Variants in NAV2 observed in about 807,000 individuals in gnomAD.
NAV2 encodes helicase, APC down-regulated 1.
NAV2 carries 54 observed loss-of-function variants against 223.2 expected under a neutral mutation model. That is an observed-to-expected ratio of 0.24 (90% CI 0.19 to 0.30). NAV2 has a LOEUF of 0.30. Among genes scored for constraint, NAV2 ranks in the 10% least tolerant of loss-of-function variants. NAV2 has a pLI of 1.00. For missense variants in NAV2, 2,806 were observed against 3,147.5 expected, an observed-to-expected ratio of 0.89 and a Z score of 2.60; for synonymous variants, 1,279 against 1,239.3, an observed-to-expected ratio of 1.03 and a Z score of -0.67.
chr11:19,548,158 G>A (rs867535582), intron 1 of NAV2, among the ~76,000 whole-genome samples: 5 of 152,062 alleles, frequency 3.3e-5, no homozygotes, highest in Non-Finnish European at 5.9e-5. Context: ...CATGGCTGTC[G>A]GTAATGGGTA....
chr11:19,836,424 G>A (rs1263734997), intron 2 of NAV2, among the ~76,000 whole-genome samples: 1 of 152,000 alleles, frequency 6.6e-6, no homozygotes, highest in African/African-American at 2.4e-5. Context: ...GGGCGCGGTG[G>A]CGGGCGCCTG....
intron 1 of NAV2, among the ~76,000 whole-genome samples, chr11:19,566,031 G>GATTTTTATTTTATTTTATTTT: frequency 7.2e-6 from 1 of 138,494 alleles, no homozygotes; most frequent in Non-Finnish European, 1.6e-5. Flanking sequence ...TATCCAAGGA[G>GATTTTTATTTTATTTTATTTT]ATTTTATTTT....
At chr11:19,840,857 C>T (rs2060477094) in intron 2 of NAV2, among the ~76,000 whole-genome samples, 3 of 152,168 alleles carry the variant, frequency 2.0e-5, no homozygotes, top group South Asian at 2.1e-4. Context: ...TTGTGTGGCT[C>T]CTGTGTGCCA....
intron 24 of NAV2, among the ~76,000 whole-genome samples, chr11:20,079,659 C>T (rs892311336): frequency 2.6e-5 from 4 of 152,102 alleles, no homozygotes; most frequent in African/African-American, 9.7e-5. Context: ...CTAGATGAGG[C>T]AGGCATGGCA....
intron 6 of NAV2, among the ~76,000 whole-genome samples, chr11:19,904,678 G>A (rs59130601): frequency 0.012 from 1,782 of 152,084 alleles, 33 homozygotes; most frequent in African/African-American, 0.041. Context: ...GACATAGGGA[G>A]TAAAAGTAAA....
chr11:19,414,430 C>G (rs1032302351), intron 1 of NAV2, among the ~76,000 whole-genome samples: 1 of 152,182 alleles, frequency 6.6e-6, no homozygotes, highest in African/African-American at 2.4e-5. Flanking sequence ...TACAGGATCA[C>G]CCAGATTTAT....
chr11:19,582,474 TC>T (rs2045751067), intron 1 of NAV2, among the ~76,000 whole-genome samples: 1 of 152,254 alleles, frequency 6.6e-6, no homozygotes, highest in Non-Finnish European at 1.5e-5. Flanking sequence ...GCCTAGGTTT[TC>T]TTCTAGGGTT....
intron 10 of NAV2, among the ~76,000 whole-genome samples, chr11:19,962,203 A>G (rs1462530468): frequency 6.6e-6 from 1 of 151,552 alleles, no homozygotes; most frequent in Non-Finnish European, 1.5e-5. Flanking sequence ...CTTGAGGTAG[A>G]ATCCCCTCTT....
chr11:19,956,394 A>ACT (rs1161280861), intron 10 of NAV2, among the ~76,000 whole-genome samples: 11 of 147,808 alleles, frequency 7.4e-5, no homozygotes, highest in South Asian at 4.3e-4. Flanking sequence ...ACACACACAC[A>ACT]CGCTCTCTCT....
rs35094066 is a variant in NAV2, at chr11:20,082,459, C to A, written c.5326-548C>A. 796 of 827,110 alleles carry A rather than the reference C, an allele frequency of 9.6e-4. 1 individual carries two copies. The highest frequency in any genetic ancestry group is 1.5e-3 in the Non-Finnish European group (737 of 481,836). The allele number at this position is 827,110 out of a possible 1,614,324, so 51.2% of individuals were successfully genotyped here. ...ATTTGTGTTCCTACTGGAAACCTCC[C>A]CTGTGTGTGGTGTTTATTATTAGCC... On this transcript the variant is annotated intron_variant, in intron 25 of 37. Transcript: ENST00000349880.
chr11:19,881,849 G>A (rs1229626557), intron 5 of NAV2, among the ~76,000 whole-genome samples: 1 of 152,222 alleles, frequency 6.6e-6, no homozygotes, highest in Non-Finnish European at 1.5e-5. Context: ...CTCAGGACAT[G>A]AAGGGTAAGC....
At chr11:19,475,580 C>T (rs1334303609) in intron 1 of NAV2, among the ~76,000 whole-genome samples, 2 of 152,216 alleles carry the variant, frequency 1.3e-5, no homozygotes, top group East Asian at 3.9e-4. Context: ...TTTGTGGAGC[C>T]GCTGCTGTCC....
intron 1 of NAV2, among the ~76,000 whole-genome samples, chr11:19,750,743 A>C (rs1054948712): frequency 2.0e-5 from 3 of 152,220 alleles, no homozygotes; most frequent in African/African-American, 7.2e-5. Flanking sequence ...ACAGAGTCAG[A>C]ATAGGGTCCC....
chr11:20,100,637 C>T (rs1343407559), intron 31 of NAV2, among the ~76,000 whole-genome samples: 2 of 151,552 alleles, frequency 1.3e-5, no homozygotes, highest in Non-Finnish European at 2.9e-5. Flanking sequence ...CCCAGAGCCT[C>T]ATGAATTCTG....
At chr11:19,524,239 C>A (rs1032158077) in intron 1 of NAV2, among the ~76,000 whole-genome samples, 9 of 152,202 alleles carry the variant, frequency 5.9e-5, no homozygotes, top group African/African-American at 2.2e-4. Context: ...GAGCACCTAG[C>A]TGAAAAATTC....
At chr11:19,749,063 C>G (rs2053596598) in intron 1 of NAV2, among the ~76,000 whole-genome samples, 1 of 152,332 alleles carries the variant, frequency 6.6e-6, no homozygotes. Flanking sequence ...TAAGCATCCT[C>G]TGTATGAAGC....
chr11:19,443,646 T>G (rs1353622937), intron 1 of NAV2, among the ~76,000 whole-genome samples: 4 of 152,208 alleles, frequency 2.6e-5, no homozygotes, highest in Admixed American at 6.5e-5. Context: ...GGGCTTGCAC[T>G]TCCCAAAGAG....
chr11:19,854,963 G>A (rs1286571308), intron 3 of NAV2, among the ~76,000 whole-genome samples: 2 of 152,160 alleles, frequency 1.3e-5, no homozygotes, highest in Non-Finnish European at 2.9e-5. Flanking sequence ...AGCACTTGCT[G>A]TTTGGTTGTT....
chr11:20,106,699 A>G (rs1482123461), intron 35 of NAV2, among the ~76,000 whole-genome samples: 1 of 149,048 alleles, frequency 6.7e-6, no homozygotes, highest in South Asian at 2.2e-4. Flanking sequence ...CTGGAGTGCA[A>G]TGGTGTGATC....
Sources: gnomAD v4.1 joint callset for allele counts (sites outside exome capture counted in the v4.1 genomes callset) on GRCh38, gnomAD v4.1.1 for gene constraint, MANE v1.5 for transcripts, NCBI Gene and HGNC (gene_info 2026-07-23, HGNC 2026-07-21) for gene names.